The following CAPN9 variants were observed in gnomAD, a reference collection of about 807,000 sequenced individuals.
CAPN9 encodes the protein calpain 9, also known as calpain-9.
A neutral mutation model predicts 92.8 loss-of-function variants in CAPN9; 81 were observed. The ratio of observed to expected loss-of-function variants is 0.87; its 90% CI spans 0.73 to 1.05. The LOEUF is 1.05. CAPN9 is among the 50% of genes least tolerant of loss of function. The pLI is 0.00. For synonymous variants in CAPN9, 304 were observed against 328.0 expected, an observed-to-expected ratio of 0.93 and a Z score of 0.79; for missense variants, 848 against 866.2, an observed-to-expected ratio of 0.98 and a Z score of 0.26.
intron 4 of CAPN9, among the ~76,000 whole-genome samples, chr1:230,764,810 C>T (rs1665866475): frequency 6.6e-6 from 1 of 152,080 alleles, no homozygotes; most frequent in South Asian, 2.1e-4. Context: ...GGGGAGGAGG[C>T]CAGAATGATC....
chr1:230,750,682 G>A (rs113166569), intron 1 of CAPN9, among the ~76,000 whole-genome samples: 25 of 152,274 alleles, frequency 1.6e-4, no homozygotes, highest in African/African-American at 4.8e-4. Flanking sequence ...GGGGCTGGAC[G>A]GCCCTCCTCC....
chr1:230,789,551 G>A (rs1667842748), intron 13 of CAPN9, among the ~76,000 whole-genome samples: 1 of 150,780 alleles, frequency 6.6e-6, no homozygotes, highest in African/African-American at 2.4e-5. Context: ...ACCAGCTTCT[G>A]GGGTGGGGGC....
At chr1:230,787,162 A>G (rs1667648303) in intron 12 of CAPN9, among the ~76,000 whole-genome samples, 2 of 152,230 alleles carry the variant, frequency 1.3e-5, no homozygotes, top group African/African-American at 4.8e-5. Context: ...AGCTATCAAA[A>G]CAGATGATGA....
Position 230,794,804 on chromosome 1 carries a change from C to T in CAPN9, c.1871-359C>T, listed in dbSNP as rs529406287. ...TAGGAATGAACTTGGGGCTCAGACA[C>T]CACCCAGTGTTAAGTTCCCCCAAAC... On this transcript the variant is annotated intron_variant, in intron 17 of 19. Transcript: ENST00000271971. Among the ~76,000 whole-genome samples the T allele has an allele frequency of 5.9e-5, 9 of 152,320 alleles. No homozygotes were observed. In the South Asian group the frequency reaches 1.9e-3, roughly 32 times the overall value.
At chr1:230,762,253 A>T (rs1012367066) in intron 3 of CAPN9, among the ~76,000 whole-genome samples, 2 of 152,218 alleles carry the variant, frequency 1.3e-5, no homozygotes, top group Admixed American at 1.3e-4. Context: ...GGAGAGAATA[A>T]CAGAGAACTG....
intron 1 of CAPN9, among the ~76,000 whole-genome samples, chr1:230,751,403 T>G (rs1664754194): frequency 8.0e-6 from 1 of 124,346 alleles, no homozygotes; most frequent in Non-Finnish European, 1.6e-5. Flanking sequence ...AAAGACAGAA[T>G]GAATGAAAAA....
intron 1 of CAPN9, chr1:230,752,680 A>T (rs11577947): frequency 0.3 from 298,105 of 983,688 alleles, 45,755 homozygotes; most frequent in African/African-American, 0.33. Context: ...CTGGGCAGGG[A>T]TCTGTGGCTT....
intron 14 of CAPN9, 24 bp downstream of exon 14, chr1:230,790,213 C>A (rs1667885950): frequency 6.2e-7 from 1 of 1,613,382 alleles, no homozygotes; most frequent in East Asian, 2.2e-5. Context: ...CCATCGGGGT[C>A]CTGGGGCACC....
rs570820314 is a variant in CAPN9, at chr1:230,758,959, T to G, written c.284-553T>G. Among the ~76,000 whole-genome samples the G allele has an allele frequency of 9.2e-5, 14 of 152,312 alleles. 1 individual carries two copies. In the East Asian group the frequency reaches 2.7e-3, roughly 29 times the overall value. Reference sequence around the variant, plus strand: ...ACTTTTTAGTTTTCCTCCAGATGTGTGTTAACATGAAGACACAGCTGGGAA... The same window carrying G: ...ACTTTTTAGTTTTCCTCCAGATGTGGGTTAACATGAAGACACAGCTGGGAA... On this transcript the variant is annotated intron_variant, in intron 2 of 19. Coordinates refer to ENST00000271971, the MANE Select transcript of CAPN9 (RefSeq NM_006615.3).
intron 1 of CAPN9, among the ~76,000 whole-genome samples, chr1:230,752,011 T>C (rs1231573216): frequency 1.3e-5 from 2 of 152,288 alleles, no homozygotes; most frequent in Middle Eastern, 3.4e-3. Flanking sequence ...CCCTTCCTCA[T>C]GGCCTCCCAA....
At chr1:230,783,910 G>A (rs989851941) in intron 11 of CAPN9, among the ~76,000 whole-genome samples, 3 of 152,220 alleles carry the variant, frequency 2.0e-5, no homozygotes, top group Non-Finnish European at 4.4e-5. Flanking sequence ...TATGAACAGT[G>A]AAGTTCAGGC....
rs1184291356 is a variant in CAPN9 at position 230,786,211 on chromosome 1, C to T, written c.1518+194C>T. 4 of 982,364 alleles carry T rather than the reference C, an allele frequency of 4.1e-6. No individual in the cohort carries two copies. The South Asian group carries it at 1.4e-4, about 35-fold the overall frequency. The allele number at this position is 982,364 out of a possible 1,614,324, so 60.9% of individuals were successfully genotyped here. On this transcript the variant is annotated intron_variant, in intron 12 of 19. Transcript: ENST00000271971. ...TCTGTGCTCTTCTAGTCCACAAGGACCTGGCATGGGAGTGAGGTGGGTGCT... is the reference window on the plus strand; with the variant it reads ...TCTGTGCTCTTCTAGTCCACAAGGATCTGGCATGGGAGTGAGGTGGGTGCT...
chr1:230,800,223 GAAAGAAAGAAGAA>G (rs1668593581), intron 19 of CAPN9, among the ~76,000 whole-genome samples: 4 of 37,356 alleles, frequency 1.1e-4, no homozygotes, highest in Non-Finnish European at 1.7e-4. Flanking sequence ...AGAAAAATAA[GAAAGAAAGAAGAA>G]AGAAAGAAAG....
chr1:230,771,929 G>A, intron 6 of CAPN9, 85 bp from the exon 7 acceptor site: 1 of 1,075,068 alleles, frequency 9.3e-7, no homozygotes, highest in Non-Finnish European at 1.4e-6. Flanking sequence ...GGATGGAGCT[G>A]GTCCACCTGG....
chr1:230,778,701 C>T (rs1029646997), intron 8 of CAPN9, among the ~76,000 whole-genome samples: 4 of 152,146 alleles, frequency 2.6e-5, no homozygotes, highest in Non-Finnish European at 5.9e-5. Context: ...TAGCATCCCA[C>T]CCCTACGCTC....
intron 1 of CAPN9, chr1:230,752,557 G>T: frequency 3.0e-6 from 1 of 336,816 alleles, no homozygotes; most frequent in Non-Finnish European, 4.2e-6. Flanking sequence ...AGGCACAGTT[G>T]GTACGGTTGG....
At position 230,792,870 on chromosome 1, in the gene CAPN9, T is replaced by A. The variant is rs190359189; in HGVS notation, c.1812T>A (p.Asp604Glu). 44 of 1,614,156 alleles carry A rather than the reference T, an allele frequency of 2.7e-5. No homozygotes were observed. In the South Asian group the frequency reaches 3.3e-4, roughly 12 times the overall value. ...TTTAGAACCTTTTCCTTCGGTTTGA[T>A]GCTGACAAGTCCGGCACCATGTCTA... ...KQWINLFLRF[D>E]ADKSGTMSTY... The change falls in exon 17 of 20, where the codon GAT becomes GAA. Residue 604 changes from aspartate to glutamate, a missense_variant. Asp to Glu is a conservative substitution (Grantham distance 45, BLOSUM62 2). Transcript: ENST00000271971.
intron 2 of CAPN9, 43 bp downstream of exon 2, chr1:230,755,449 C>A: frequency 1.3e-6 from 2 of 1,503,910 alleles, no homozygotes; most frequent in South Asian, 2.4e-5. Context: ...GAGGTTGAGT[C>A]ACTGGGACAG....
At chr1:230,788,670 G>A (rs1040791931) in intron 13 of CAPN9, among the ~76,000 whole-genome samples, 2 of 152,178 alleles carry the variant, frequency 1.3e-5, no homozygotes, top group Non-Finnish European at 2.9e-5. Context: ...TGGAGAAAAT[G>A]GGGGCTCATG....
Sources: allele counts gnomAD v4.1 joint callset (sites outside exome capture counted in the v4.1 genomes callset), GRCh38; gene constraint gnomAD v4.1.1; transcripts MANE v1.5; gene names NCBI Gene and HGNC (gene_info 2026-07-23, HGNC 2026-07-21).